SCN7A: variants seen among roughly 807,000 people sequenced by gnomAD.
SCN7A encodes the protein sodium voltage-gated channel alpha subunit 7.
A neutral mutation model predicts 155.2 loss-of-function variants in SCN7A; 138 were observed. The observed-to-expected ratio is 0.89, with a 90% CI of 0.77 to 1.02. SCN7A has a LOEUF of 1.02. Among genes scored for constraint, SCN7A ranks in the 50% least tolerant of loss-of-function variants. The pLI is 0.00. For missense variants in SCN7A, 2,058 were observed against 1,986.6 expected (o/e 1.04, Z -0.68); for synonymous variants, 693 against 649.0 (o/e 1.07, Z -1.03).
intron 12 of SCN7A, 126 bp from the exon 13 acceptor site, chr2:166,445,126 G>C (rs1337596149): frequency 3.3e-6 from 2 of 615,244 alleles, no homozygotes; most frequent in East Asian, 2.8e-5. Context: ...GACCAGCCTG[G>C]TCAATATAGT....
chr2:166,459,697 A>G (rs983445506), intron 10 of SCN7A, among the ~76,000 whole-genome samples: 1 of 152,220 alleles, frequency 6.6e-6, no homozygotes, highest in African/African-American at 2.4e-5. Flanking sequence ...GGAGTACACT[A>G]TTCCCAATAG....
At chr2:166,488,406 A>G (rs1166860224) in intron 1 of SCN7A, among the ~76,000 whole-genome samples, 2 of 152,162 alleles carry the variant, frequency 1.3e-5, no homozygotes, top group African/African-American at 2.4e-5. Context: ...GGAAGCAGAA[A>G]CCTATGAGGA....
In SCN7A at chr2:166,404,698, T is replaced by C. The variant is rs906321101; in HGVS notation, c.*882A>G. 7 of 151,614 alleles carry C rather than the reference T, an allele frequency of 4.6e-5. 1 individual carries two copies. Among genetic ancestry groups the C allele is most frequent in the African/African-American group, 1.7e-4 (7 of 41,346 alleles). 9.4% of individuals were successfully genotyped at this position (151,614 alleles called of 1,614,324 possible). ...AGATCTTATATATTCAATGTTACAT[T>C]AGAAATAACTGGTAAAAATACATCA... On this transcript the variant is annotated 3_prime_UTR_variant, in exon 26 of 26. Transcript: ENST00000643258.
intron 25 of SCN7A, among the ~76,000 whole-genome samples, chr2:166,408,273 T>G (rs777976595): frequency 6.6e-6 from 1 of 152,002 alleles, no homozygotes; most frequent in Non-Finnish European, 1.5e-5. Flanking sequence ...CTACTCATTC[T>G]TCATTCACAT....
intron 1 of SCN7A, among the ~76,000 whole-genome samples, chr2:166,488,696 G>A (rs536711851): frequency 9.9e-5 from 15 of 151,264 alleles, no homozygotes; most frequent in East Asian, 2.0e-4. Context: ...GGAGAGCAGC[G>A]GTGTAACCTT....
At chr2:166,426,649 G>A (rs1487207289) in intron 18 of SCN7A, among the ~76,000 whole-genome samples, 1 of 152,060 alleles carries the variant, frequency 6.6e-6, no homozygotes, top group African/African-American at 2.4e-5. Flanking sequence ...TTTTTATTAA[G>A]TCTGAAATGG....
In SCN7A at chr2:166,414,103, T is replaced by TTATATATATGTAAA. The variant is rs1308060985; in HGVS notation, c.3415-983_3415-982insTTTACATATATATA. Among the ~76,000 whole-genome samples the TTATATATATGTAAA allele has an allele frequency of 2.8e-3, 175 of 62,624 alleles. 4 individuals are homozygous for TTATATATATGTAAA. Among genetic ancestry groups the TTATATATATGTAAA allele is most frequent in the South Asian group, 6.4e-3 (14 of 2,184 alleles). The allele number at this position is 62,624 out of a possible 152,430, so 41.1% of individuals were successfully genotyped here. ...AATATATGTAAATATATATAATATA[T>TTATATATATGTAAA]TATATATAAATATATATAATATATT... On this transcript the variant is annotated intron_variant, in intron 21 of 25. Transcript: ENST00000643258.
chr2:166,489,871 A>G (rs1683046179), intron 1 of SCN7A, among the ~76,000 whole-genome samples: 1 of 152,176 alleles, frequency 6.6e-6, no homozygotes, highest in Non-Finnish European at 1.5e-5. Context: ...GTTATCTTGC[A>G]AAAGAAAGTG....
chr2:166,486,423 GA>G (rs1703050059), intron 2 of SCN7A, among the ~76,000 whole-genome samples: 1 of 152,200 alleles, frequency 6.6e-6, no homozygotes, highest in African/African-American at 2.4e-5. Flanking sequence ...CTGGAAGGTT[GA>G]CCAGATATAA....
In SCN7A at chr2:166,439,055, G is replaced by GTATATATA. The variant is rs66783423; in HGVS notation, c.2157+2333_2157+2340dup. On this transcript the variant is annotated intron_variant, in intron 15 of 25. Transcript: ENST00000643258. ...CACATACATATATGTGTGTGTGTGT[G>GTATATATA]TATATATATATATATATATATATAG... 9.4e-3 allele frequency among the ~76,000 whole-genome samples: 1,064 copies of GTATATATA among 113,364 alleles called. 21 individuals carry two copies. The highest frequency in any genetic ancestry group is 0.036 in the African/African-American group (961 of 26,588). 74.4% of individuals were successfully genotyped at this position (113,364 alleles called of 152,430 possible).
At chr2:166,455,513 T>C (rs890788772) in intron 11 of SCN7A, among the ~76,000 whole-genome samples, 2 of 151,922 alleles carry the variant, frequency 1.3e-5, no homozygotes, top group Non-Finnish European at 2.9e-5. Context: ...ATGGACCTAA[T>C]AATGGGAACA....
chr2:166,413,199 T>G, intron 21 of SCN7A, 78 bp from the exon 22 acceptor site: 1 of 766,716 alleles, frequency 1.3e-6, no homozygotes, highest in Non-Finnish European at 2.1e-6. Flanking sequence ...ATTAGTGCAC[T>G]GAAATATTTG....
At chr2:166,473,071 A>G (rs1702695043) in intron 5 of SCN7A, among the ~76,000 whole-genome samples, 2 of 151,792 alleles carry the variant, frequency 1.3e-5, no homozygotes, top group Non-Finnish European at 3.0e-5. Context: ...AACTAATGAG[A>G]ACTAGGCTTA....
chr2:166,470,705 C>A lies in SCN7A; in HGVS notation c.574G>T (p.Val192Phe), dbSNP rs1334859835. The stretch of plus-strand genomic sequence containing the variant: ...TCCAGAGGTGAGTATCTTATAATAA[C>A]CCTGTGGAATTAAATTAGAGTTACT... The part of the protein sequence containing the change: ...WLDFSVTVFE[V>F]IIRYSPLDFI... Residue 192 changes from valine (V) to phenylalanine (F), a missense_variant and splice_region_variant, in exon 7 of 26, where the codon GTT (valine) becomes TTT (phenylalanine). Physicochemically the swap from Val to Phe is conservative, Grantham distance 50. Coordinates refer to ENST00000643258, the MANE Select transcript of SCN7A (RefSeq NM_002976.4). 3.1e-6 allele frequency: 5 copies of A among 1,597,890 alleles called. No homozygotes were observed. Among genetic ancestry groups the A allele is most frequent in the South Asian group, 2.3e-5 (2 of 88,478 alleles).
chr2:166,406,450 G>A lies in SCN7A; in HGVS notation c.4179C>T (p.Ile1393=). 6.2e-7 allele frequency: 1 copy of A among 1,612,916 alleles called. No homozygotes were observed. Among genetic ancestry groups the A allele is most frequent in the Non-Finnish European group, 8.5e-7 (1 of 1,179,354 alleles). The stretch of plus-strand genomic sequence containing the variant: ...AATTATACATTCCAAATACGGCATA[G>A]ATGAACATGACCAGGAAGATGAGAA... ...IILLIFLVMF[I]YAVFGMYNFA... Residue 1393 remains isoleucine (I), a synonymous_variant, in exon 26 of 26, where the codon ATC becomes ATT. Transcript: ENST00000643258.
Position 166,414,232 on chromosome 2 carries a change from ATC to A in SCN7A, c.3415-1113_3415-1112del, listed in dbSNP as rs1419001164. ...TATGTAAATATATATAAATATATATATCTATATATGTAAATATATATAGATAT... is the reference window on the plus strand; with the variant it reads ...TATGTAAATATATATAAATATATATATATATATGTAAATATATATAGATAT... On this transcript the variant is annotated intron_variant, in intron 21 of 25. Coordinates refer to ENST00000643258, the MANE Select transcript of SCN7A (RefSeq NM_002976.4). 1.2e-3 allele frequency among the ~76,000 whole-genome samples: 98 copies of A among 80,206 alleles called. 5 individuals are homozygous for A. In the East Asian group the frequency reaches 0.012, roughly 10 times the overall value. The allele number at this position is 80,206 out of a possible 152,430, so 52.6% of individuals were successfully genotyped here. A position where few individuals can be genotyped will look rare whatever the true frequency, so the allele number is the denominator to read the frequency against.
Position 166,443,538 on chromosome 2 carries a change from C to T in SCN7A, c.1765G>A (p.Val589Ile). Residue 589 changes from valine to isoleucine, a missense_variant, in exon 14 of 26, where the codon GTT (valine) becomes ATT (isoleucine). Coordinates refer to ENST00000643258, the MANE Select transcript of SCN7A (RefSeq NM_002976.4). ...AATCGAAGAAGAGCCATTCCTGCAA[C>T]ATTTGCTAGACAAAGTTCTATTAAA... ...HGLIELCLAN[V>I]AGMALLRLFR... 1 of 1,595,484 alleles carries T rather than the reference C, an allele frequency of 6.3e-7. No individual in the cohort carries two copies. The highest frequency in any genetic ancestry group is 8.5e-7 in the Non-Finnish European group (1 of 1,171,384).
At position 166,427,986 on chromosome 2, in the gene SCN7A, T is replaced by A. The variant is rs1425340481; in HGVS notation, c.2699-44A>T. On this transcript the variant is annotated intron_variant, in intron 17 of 25. Coordinates refer to ENST00000643258, the MANE Select transcript of SCN7A (RefSeq NM_002976.4). ...TAAGAACAACAATCTAGAAAACTCA[T>A]GAAAAAGTAAACAACTGAAACTTTC... 13 of 1,590,578 alleles carry A rather than the reference T, an allele frequency of 8.2e-6. No homozygotes were observed. The Admixed American group carries it at 2.2e-4, about 28-fold the overall frequency.
chr2:166,467,099 T>C (rs1396508971), intron 7 of SCN7A, among the ~76,000 whole-genome samples: 1 of 151,934 alleles, frequency 6.6e-6, no homozygotes, highest in Non-Finnish European at 1.5e-5. Context: ...CAAAGTATTA[T>C]ACTAGATATA....
Sources: allele counts gnomAD v4.1 joint callset (sites outside exome capture counted in the v4.1 genomes callset), GRCh38; gene constraint gnomAD v4.1.1; transcripts MANE v1.5; gene names NCBI Gene and HGNC (gene_info 2026-07-23, HGNC 2026-07-21).